The following GALNT9 variants were observed in gnomAD, a reference collection of about 807,000 sequenced individuals.
The protein encoded by GALNT9 is polypeptide N-acetylgalactosaminyltransferase 9.
In GALNT9, 47 loss-of-function variants were observed where a neutral mutation model predicts 63.1. The observed-to-expected ratio is 0.75, with a 90% CI of 0.59 to 0.95. The LOEUF is 0.95. Among genes scored for constraint, GALNT9 ranks in the 40% least tolerant of loss-of-function variants. The pLI is 0.00. For missense variants in GALNT9, 829 were observed against 874.8 expected (o/e 0.95, Z 0.66); for synonymous variants, 396 against 365.7 (o/e 1.08, Z -0.94).
intron 8 of GALNT9, among the ~76,000 whole-genome samples, chr12:132,199,475 A>G (rs1022524322): frequency 6.6e-6 from 1 of 152,078 alleles, no homozygotes; most frequent in African/African-American, 2.4e-5. Flanking sequence ...AGTGTCCGCC[A>G]TGCACAGATG....
intron 7 of GALNT9, 118 bp from the exon 8 acceptor site, chr12:132,201,379 C>G (rs1055025069): frequency 1.7e-5 from 11 of 654,056 alleles, no homozygotes; most frequent in Admixed American, 7.7e-5. Context: ...GCCTCCCCCC[C>G]AGTATTCAGA....
chr12:132,197,766 A>G, intron 10 of GALNT9, 26 bp downstream of exon 10: 1 of 769,168 alleles, frequency 1.3e-6, no homozygotes, highest in Non-Finnish European at 2.0e-6. Context: ...CCCCAACCCC[A>G]CGGCCCCCCT....
Position 132,319,772 on chromosome 12 carries a change from C to T in GALNT9, c.238+9194G>A, listed in dbSNP as rs904870465. 1.3e-5 allele frequency among the ~76,000 whole-genome samples: 2 copies of T among 152,176 alleles called. No homozygotes were observed. The highest frequency in any genetic ancestry group is 6.5e-5 in the Admixed American group (1 of 15,282). ...CGCCTCGGGTGCTCCTCCCGCAGCC[C>T]CACGTAGACAGAAGACATTCCTCGG... On this transcript the variant is annotated intron_variant, in intron 1 of 10. Coordinates refer to ENST00000328957, the MANE Select transcript of GALNT9 (RefSeq NM_001122636.2). The surrounding 1 kb of genome is among the most constrained non-coding windows in gnomAD (Gnocchi z 5.2).
chr12:132,251,495 C>T (rs1878914129), intron 5 of GALNT9, among the ~76,000 whole-genome samples: 1 of 152,182 alleles, frequency 6.6e-6, no homozygotes, highest in South Asian at 2.1e-4. Flanking sequence ...TCGCTGACTC[C>T]TTAAATCCTT....
intron 6 of GALNT9, among the ~76,000 whole-genome samples, chr12:132,225,063 A>AC (rs1250877496): frequency 9.7e-5 from 6 of 61,950 alleles, no homozygotes; most frequent in Admixed American, 2.2e-4. Flanking sequence ...CATACACACC[A>AC]CCCCCCCACA....
chr12:132,281,256 TTCCC>T (rs1213032924), intron 2 of GALNT9, among the ~76,000 whole-genome samples: 3 of 152,212 alleles, frequency 2.0e-5, no homozygotes, highest in Non-Finnish European at 2.9e-5. Context: ...ACGTGAACAA[TTCCC>T]TGTGATACAT....
chr12:132,302,060 A>G (rs1415071662), intron 1 of GALNT9, among the ~76,000 whole-genome samples: 2 of 152,210 alleles, frequency 1.3e-5, no homozygotes, highest in African/African-American at 4.8e-5. Context: ...CAGAAATTGA[A>G]CCACTGTGTC....
intron 1 of GALNT9, among the ~76,000 whole-genome samples, chr12:132,294,302 C>T (rs564557695): frequency 6.6e-6 from 1 of 152,252 alleles, no homozygotes; most frequent in Non-Finnish European, 1.5e-5. Context: ...CAGCCTGTGC[C>T]CCTGAGGCCC....
Position 132,316,640 on chromosome 12 carries a change from G to A in GALNT9, c.238+12326C>T, listed in dbSNP as rs781917742. On this transcript the variant is annotated intron_variant, in intron 1 of 10. Coordinates refer to ENST00000328957, the MANE Select transcript of GALNT9 (RefSeq NM_001122636.2). This position sits in a 1 kb window ranked among gnomAD's most constrained non-coding sequence, Gnocchi z 4.3. The stretch of plus-strand genomic sequence containing the variant: ...GGTGTGTCCCTGCTCTCTTTCCTCC[G>A]CTTCAGCAAATTCCCCCGTGCTCTG... 1.6e-4 allele frequency among the ~76,000 whole-genome samples: 24 copies of A among 151,860 alleles called. No individual in the cohort carries two copies. Among genetic ancestry groups the A allele is most frequent in the African/African-American group, 5.1e-4 (21 of 41,298 alleles).
At chr12:132,198,603 T>C (rs12424637) in intron 9 of GALNT9, among the ~76,000 whole-genome samples, 36,874 of 152,058 alleles carry the variant, frequency 0.24, 4,435 homozygotes, top group Middle Eastern at 0.32. Context: ...TTGCCGTCTC[T>C]CTTGACTGAG....
At chr12:132,266,503 G>A (rs1478309205) in intron 2 of GALNT9, among the ~76,000 whole-genome samples, 1 of 152,238 alleles carries the variant, frequency 6.6e-6, no homozygotes, top group Admixed American at 6.5e-5. Flanking sequence ...GGAGGCCCAG[G>A]CAGGAGGCCA....
At position 132,243,411 on chromosome 12, in the gene GALNT9, C is replaced by G. The variant is rs1397853947; in HGVS notation, c.1077+4499G>C. Among the ~76,000 whole-genome samples the G allele has an allele frequency of 1.3e-5, 2 of 151,800 alleles. 1 individual carries two copies. Among genetic ancestry groups the G allele is most frequent in the Non-Finnish European group, 2.9e-5 (2 of 67,904 alleles). On this transcript the variant is annotated intron_variant, in intron 6 of 10. Transcript: ENST00000328957. ...TCCGGAGCTCTCTCTGGTGGGGGCCCCAGTCCTCCTCGTCTTCCGGAGCTC... is the reference window on the plus strand; with the variant it reads ...TCCGGAGCTCTCTCTGGTGGGGGCCGCAGTCCTCCTCGTCTTCCGGAGCTC...
intron 6 of GALNT9, among the ~76,000 whole-genome samples, chr12:132,204,632 TGA>T (rs969663718): frequency 6.6e-6 from 1 of 151,866 alleles, no homozygotes; most frequent in Non-Finnish European, 1.5e-5. Context: ...CGTAACCGGG[TGA>T]GTCAATTCCT....
Position 132,327,883 on chromosome 12 carries a change from A to AC in GALNT9, c.238+1082dup, listed in dbSNP as rs1181454980. Among the ~76,000 whole-genome samples the AC allele has an allele frequency of 7.5e-6, 1 of 133,728 alleles. No individual in the cohort carries two copies. Among genetic ancestry groups the AC allele is most frequent in the Admixed American group, 7.6e-5 (1 of 13,096 alleles). The allele number at this position is 133,728 out of a possible 152,430, so 87.7% of individuals were successfully genotyped here. On this transcript the variant is annotated intron_variant, in intron 1 of 10. Coordinates refer to ENST00000328957, the MANE Select transcript of GALNT9 (RefSeq NM_001122636.2). The surrounding 1 kb of genome is among the most constrained non-coding windows in gnomAD (Gnocchi z 4.3). Reference sequence around the variant, plus strand: ...TGGCTCCTGAAGGAAACGCAAGACCACCCCCCGCCTTTGCCCCCACACACA... The same window carrying AC: ...TGGCTCCTGAAGGAAACGCAAGACCACCCCCCCGCCTTTGCCCCCACACACA...
chr12:132,260,827 G>A (rs368588994), intron 4 of GALNT9, 121 bp downstream of exon 4: 13 of 1,345,492 alleles, frequency 9.7e-6, no homozygotes, highest in Admixed American at 6.2e-5. Flanking sequence ...TGAAGGCTAC[G>A]GCGAGTCTCC....
chr12:132,216,065 T>C (rs1030361329), intron 6 of GALNT9, among the ~76,000 whole-genome samples: 1 of 151,318 alleles, frequency 6.6e-6, no homozygotes, highest in Non-Finnish European at 1.5e-5. Flanking sequence ...GACAGAGACA[T>C]AGAGAGACGT....
At chr12:132,321,063 G>A (rs1868764198) in intron 1 of GALNT9, among the ~76,000 whole-genome samples, 1 of 152,200 alleles carries the variant, frequency 6.6e-6, no homozygotes, top group Non-Finnish European at 1.5e-5. Context: ...GGAGGAGGGT[G>A]CCTGGCAGTG....
At chr12:132,271,619 C>T (rs565717116) in intron 2 of GALNT9, among the ~76,000 whole-genome samples, 3 of 152,298 alleles carry the variant, frequency 2.0e-5, no homozygotes, top group South Asian at 4.1e-4. Flanking sequence ...CTGTGCCCTG[C>T]TTTTTAGACA....
intron 1 of GALNT9, among the ~76,000 whole-genome samples, chr12:132,321,160 C>T (rs1368566208): frequency 1.3e-5 from 2 of 152,146 alleles, no homozygotes; most frequent in African/African-American, 4.8e-5. Context: ...TCAGCCCTGA[C>T]TGAGGGTGCC....
Sources: gnomAD v4.1 joint callset for allele counts (sites outside exome capture counted in the v4.1 genomes callset) on GRCh38, gnomAD v4.1.1 for gene constraint, Gnocchi (gnomAD v3.1) non-coding constraint, MANE v1.5 for transcripts, NCBI Gene and HGNC (gene_info 2026-07-23, HGNC 2026-07-21) for gene names.